The following MEGF10 variants were observed in gnomAD, a reference collection of about 807,000 sequenced individuals.
MEGF10 encodes multiple EGF like domains 10.
Under a neutral mutation model 147.5 loss-of-function variants are expected in MEGF10, and 86 were observed. The observed-to-expected ratio is 0.58, with a 90% CI of 0.49 to 0.70. The LOEUF (loss-of-function observed/expected upper bound fraction) is 0.70. Ranked by LOEUF, MEGF10 falls within the 30% of genes least tolerant of loss-of-function variation. The pLI, the probability that MEGF10 is intolerant of heterozygous loss-of-function variation, is 0.00. For missense variants in MEGF10, 1,329 were observed against 1,487.3 expected (o/e 0.89, Z 1.75); for synonymous variants, 478 against 525.5 (o/e 0.91, Z 1.24).
intron 13 of MEGF10, among the ~76,000 whole-genome samples, chr5:127,428,711 A>T (rs935109174): frequency 6.6e-6 from 1 of 152,220 alleles, no homozygotes; most frequent in Admixed American, 6.5e-5. Flanking sequence ...AATTTCCTTC[A>T]TTCACTAACG....
intron 1 of MEGF10, among the ~76,000 whole-genome samples, chr5:127,330,462 T>C (rs1761209679): frequency 1.3e-5 from 2 of 152,150 alleles, no homozygotes; most frequent in African/African-American, 4.8e-5. Flanking sequence ...CTCCCTTACA[T>C]GTGGATCCCT....
the MEGF10 span, among the ~76,000 whole-genome samples, chr5:127,234,357 G>A: frequency 6.6e-6 from 1 of 152,162 alleles, no homozygotes; most frequent in African/African-American, 2.4e-5. Flanking sequence ...GAGTGGGTGG[G>A]GAAATAAAGT....
intron 5 of MEGF10, among the ~76,000 whole-genome samples, chr5:127,384,080 C>A (rs1458598034): frequency 1.3e-5 from 2 of 152,214 alleles, no homozygotes; most frequent in Non-Finnish European, 2.9e-5. Flanking sequence ...CTCTCCCCCT[C>A]CTTTCTCTCC....
At chr5:127,229,720 C>G in the MEGF10 span, 1 of 152,174 alleles carries the variant, frequency 6.6e-6, no homozygotes, top group Non-Finnish European at 1.5e-5. Flanking sequence ...CTCACCTCCT[C>G]CGGGCGTGTG....
intron 5 of MEGF10, among the ~76,000 whole-genome samples, chr5:127,388,887 TG>T (rs1347217892): frequency 2.0e-5 from 3 of 152,208 alleles, no homozygotes; most frequent in Admixed American, 6.5e-5. Context: ...TTCTCACTAC[TG>T]AGGTAATTTC....
chr5:127,257,950 C>T, the MEGF10 span, among the ~76,000 whole-genome samples: 1 of 152,092 alleles, frequency 6.6e-6, no homozygotes, highest in Admixed American at 6.6e-5. Flanking sequence ...TTTGTTTCTA[C>T]TATTTGAATA....
intron 13 of MEGF10, among the ~76,000 whole-genome samples, chr5:127,426,028 A>G (rs1434628957): frequency 6.6e-6 from 1 of 152,252 alleles, no homozygotes; most frequent in Non-Finnish European, 1.5e-5. Flanking sequence ...TGCTCCGTCA[A>G]CTGTGGACAC....
At chr5:127,324,915 T>G (rs1346919324) in intron 1 of MEGF10, among the ~76,000 whole-genome samples, 1 of 152,198 alleles carries the variant, frequency 6.6e-6, no homozygotes, top group East Asian at 1.9e-4. Context: ...TGAGTTTTTA[T>G]TTACTCAGAA....
chr5:127,437,011 T>C (rs185995925), intron 16 of MEGF10, among the ~76,000 whole-genome samples: 5 of 152,356 alleles, frequency 3.3e-5, no homozygotes, highest in East Asian at 3.9e-4. Context: ...AGTTGAGTGA[T>C]GCTTATTCCC....
At chr5:127,355,467 G>C (rs1283088673) in intron 4 of MEGF10, among the ~76,000 whole-genome samples, 1 of 152,066 alleles carries the variant, frequency 6.6e-6, no homozygotes, top group Non-Finnish European at 1.5e-5. Flanking sequence ...TGCCCTCCCT[G>C]CCACCGGCAT....
intron 5 of MEGF10, among the ~76,000 whole-genome samples, chr5:127,387,990 A>T (rs1451197110): frequency 1.3e-5 from 2 of 152,074 alleles, no homozygotes; most frequent in African/African-American, 2.4e-5. Flanking sequence ...AGCGCTCTAC[A>T]CTCACAATCA....
chr5:127,435,569 T>C (rs974868874), intron 16 of MEGF10, 80 bp downstream of exon 16: 68 of 1,339,256 alleles, frequency 5.1e-5, no homozygotes, highest in Non-Finnish European at 6.6e-5. Context: ...GTATGAGTGT[T>C]TTTATATAAT....
In MEGF10 at chr5:127,445,661, T is replaced by C. The variant is rs1765918532; in HGVS notation, c.2696T>C (p.Met899Thr). 2 of 1,613,946 alleles carry C rather than the reference T, an allele frequency of 1.2e-6. No individual in the cohort carries two copies. The highest frequency in any genetic ancestry group is 2.7e-5 in the African/African-American group (2 of 74,892). Residue 899 changes from methionine to threonine, a missense_variant, in exon 20 of 25, where the codon ATG becomes ACG. By Grantham distance (81) the Met-to-Thr change is moderately conservative. Around this residue, in one of 3 missense-constraint regions of MEGF10, gnomAD observed 343 missense variants for 377.9 expected, o/e 0.91. Coordinates refer to ENST00000503335, the MANE Select transcript of MEGF10 (RefSeq NM_001256545.2). ...SMPAVTYTPA[M>T]RVVNADYTIS... Reference sequence around the variant, plus strand: ...CCAGCAGTTACCTACACCCCTGCTATGAGGGTCGTCAATGCAGATTATACC... The same window carrying C: ...CCAGCAGTTACCTACACCCCTGCTACGAGGGTCGTCAATGCAGATTATACC...
At chr5:127,253,887 A>G in the MEGF10 span, among the ~76,000 whole-genome samples, 2 of 152,142 alleles carry the variant, frequency 1.3e-5, no homozygotes, top group Admixed American at 6.5e-5. Flanking sequence ...ACTCAATTCA[A>G]TTCTAATAAA....
intron 24 of MEGF10, among the ~76,000 whole-genome samples, chr5:127,455,887 G>A (rs1267617679): frequency 1.3e-5 from 2 of 151,918 alleles, no homozygotes; most frequent in Non-Finnish European, 2.9e-5. Context: ...CCACAGGCAC[G>A]CACTACCACG....
intron 24 of MEGF10, among the ~76,000 whole-genome samples, chr5:127,456,355 A>G (rs1356314606): frequency 6.6e-6 from 1 of 152,202 alleles, no homozygotes; most frequent in African/African-American, 2.4e-5. Context: ...TTTTGCAGAT[A>G]CCACTTGGGA....
intron 5 of MEGF10, among the ~76,000 whole-genome samples, chr5:127,385,952 T>TA (rs1410637475): frequency 6.6e-6 from 1 of 152,082 alleles, no homozygotes; most frequent in Non-Finnish European, 1.5e-5. Flanking sequence ...AAAATATTTT[T>TA]AAAAAATCAT....
the MEGF10 span, among the ~76,000 whole-genome samples, chr5:127,247,292 G>C: frequency 9.2e-6 from 1 of 109,288 alleles, no homozygotes; most frequent in Non-Finnish European, 1.9e-5. Context: ...GTTGGGGGGT[G>C]GGGGAGAGAG....
At chr5:127,399,689 C>T (rs79153850) in intron 7 of MEGF10, among the ~76,000 whole-genome samples, 1,595 of 152,222 alleles carry the variant, frequency 0.01, 27 homozygotes, top group African/African-American at 0.037. Context: ...CTGTTGAGTA[C>T]CAACCTCCCT....
Sources: allele counts gnomAD v4.1 joint callset (sites outside exome capture counted in the v4.1 genomes callset), GRCh38; gene constraint gnomAD v4.1.1; regional missense constraint gnomAD v4.1.1; transcripts MANE v1.5; gene names NCBI Gene and HGNC (gene_info 2026-07-23, HGNC 2026-07-21).